Variants in MDGA2 observed in about 807,000 individuals in gnomAD.
The protein encoded by MDGA2 is MAM domain-containing glycosylphosphatidylinositol anchor protein 2.
MDGA2 carries 40 observed loss-of-function variants against 117.8 expected under a neutral mutation model. The ratio of observed to expected loss-of-function variants is 0.34; its 90% CI spans 0.26 to 0.44. The LOEUF is 0.44. Among genes scored for constraint, MDGA2 ranks in the 20% least tolerant of loss-of-function variants. MDGA2 has a pLI of 1.00. For synonymous variants in MDGA2, 452 were observed against 439.0 expected (o/e 1.03, Z -0.37); for missense variants, 1,123 against 1,250.6 (o/e 0.90, Z 1.54).
chr14:47,094,697 C>T (rs1442344438), intron 6 of MDGA2, among the ~76,000 whole-genome samples: 1 of 151,986 alleles, frequency 6.6e-6, no homozygotes, highest in Non-Finnish European at 1.5e-5. Context: ...TACTTCAATA[C>T]TTCAATGCTT....
At chr14:47,323,264 T>A (rs971037789) in intron 1 of MDGA2, among the ~76,000 whole-genome samples, 2 of 150,676 alleles carry the variant, frequency 1.3e-5, no homozygotes, top group African/African-American at 4.9e-5. Context: ...AGTACAGGTA[T>A]TTTTTAAATG....
intron 1 of MDGA2, among the ~76,000 whole-genome samples, chr14:47,395,343 G>A (rs927051859): frequency 6.6e-6 from 1 of 152,064 alleles, no homozygotes; most frequent in Non-Finnish European, 1.5e-5. Context: ...TCATATCCCA[G>A]AGTGTTGATG....
chr14:46,894,635 G>A (rs1297925385), intron 10 of MDGA2, among the ~76,000 whole-genome samples: 1 of 152,050 alleles, frequency 6.6e-6, no homozygotes, highest in African/African-American at 2.4e-5. Context: ...GTTGTGCTGA[G>A]TTTGTACTCA....
intron 1 of MDGA2, among the ~76,000 whole-genome samples, chr14:47,618,179 C>A (rs1256307928): frequency 6.6e-6 from 1 of 152,160 alleles, no homozygotes; most frequent in Non-Finnish European, 1.5e-5. Context: ...TGAGATGCTG[C>A]TTCTAATCAA....
chr14:47,162,134 G>T lies in MDGA2; in HGVS notation c.596-17860C>A, dbSNP rs1049351863. 8.6e-5 allele frequency among the ~76,000 whole-genome samples: 13 copies of T among 151,440 alleles called. No individual in the cohort carries two copies. In the East Asian group the frequency reaches 1.8e-3, roughly 21 times the overall value. On this transcript the variant is annotated intron_variant, in intron 3 of 16. Coordinates refer to ENST00000399232, the MANE Select transcript of MDGA2 (RefSeq NM_001113498.3). ...CTAGTTTTTTGTATTTTTAGTAGAA[G>T]CAGGATTTCACCGTGTTAGCCAGGC...
intron 1 of MDGA2, among the ~76,000 whole-genome samples, chr14:47,659,650 A>G (rs1254259085): frequency 6.6e-6 from 1 of 152,214 alleles, no homozygotes; most frequent in Non-Finnish European, 1.5e-5. Flanking sequence ...GTATACCTCA[A>G]TTATGAAGTC....
At chr14:47,621,231 C>T (rs1897044196) in intron 1 of MDGA2, among the ~76,000 whole-genome samples, 1 of 152,150 alleles carries the variant, frequency 6.6e-6, no homozygotes, top group Non-Finnish European at 1.5e-5. Flanking sequence ...ATATTAAATA[C>T]AGTTAAGGTC....
At chr14:47,168,717 C>T (rs922540369) in intron 3 of MDGA2, among the ~76,000 whole-genome samples, 16 of 151,988 alleles carry the variant, frequency 1.1e-4, no homozygotes, top group South Asian at 2.1e-4. Flanking sequence ...TAAGAAACTG[C>T]CTCAAAGTCA....
intron 1 of MDGA2, among the ~76,000 whole-genome samples, chr14:47,409,765 C>T (rs4900756): frequency 0.72 from 109,554 of 151,932 alleles, 39,983 homozygotes; most frequent in East Asian, 1. Context: ...CTCATGAATA[C>T]GGTATAATCA....
intron 1 of MDGA2, among the ~76,000 whole-genome samples, chr14:47,384,211 T>C (rs1175896743): frequency 6.6e-6 from 1 of 150,884 alleles, no homozygotes; most frequent in Non-Finnish European, 1.5e-5. Flanking sequence ...ATAAGGAAGG[T>C]AGAGAGTCAA....
intron 12 of MDGA2, among the ~76,000 whole-genome samples, chr14:46,874,838 T>G (rs570992393): frequency 4.6e-5 from 7 of 151,890 alleles, no homozygotes; most frequent in African/African-American, 1.7e-4. Context: ...CTCGGATGCC[T>G]AACGTATGTT....
At chr14:46,931,665 G>A (rs931593923) in intron 9 of MDGA2, among the ~76,000 whole-genome samples, 2 of 151,784 alleles carry the variant, frequency 1.3e-5, no homozygotes, top group Non-Finnish European at 2.9e-5. Flanking sequence ...GGGGACTAGA[G>A]GCATGAGCCA....
chr14:47,532,368 T>C (rs903598480), intron 1 of MDGA2, among the ~76,000 whole-genome samples: 1 of 152,186 alleles, frequency 6.6e-6, no homozygotes, highest in African/African-American at 2.4e-5. Flanking sequence ...TTCATTATCT[T>C]CTCACCCACC....
At chr14:47,576,744 A>G (rs1172521680) in intron 1 of MDGA2, among the ~76,000 whole-genome samples, 1 of 152,174 alleles carries the variant, frequency 6.6e-6, no homozygotes, top group Non-Finnish European at 1.5e-5. Context: ...TATATTTTCT[A>G]TCTCTAGTCT....
chr14:46,917,125 A>C (rs1884580026), intron 10 of MDGA2, among the ~76,000 whole-genome samples: 1 of 152,192 alleles, frequency 6.6e-6, no homozygotes, highest in African/African-American at 2.4e-5. Flanking sequence ...GAAAAATGTG[A>C]ATCAATAACA....
rs66690712 is a variant in MDGA2, at chr14:46,841,607, C to CTTTTTTTTT, written c.*315_*323dup. 6.8e-6 allele frequency: 1 copy of CTTTTTTTTT among 146,476 alleles called. No homozygotes were observed. Among genetic ancestry groups the CTTTTTTTTT allele is most frequent in the Non-Finnish European group, 1.4e-5 (1 of 69,408 alleles). The allele number at this position is 146,476 out of a possible 1,614,324, so 9.1% of individuals were successfully genotyped here. ...TGCTTTGACAAGGATTTCTATAGCT[C>CTTTTTTTTT]TTTTTTTTTTCTTTTTTTCATTTTT... On this transcript the variant is annotated 3_prime_UTR_variant, in exon 17 of 17. Transcript: ENST00000399232.
intron 1 of MDGA2, among the ~76,000 whole-genome samples, chr14:47,630,893 C>T (rs1301808181): frequency 6.6e-6 from 1 of 152,152 alleles, no homozygotes; most frequent in African/African-American, 2.4e-5. Flanking sequence ...ATGGTAGTTG[C>T]TTTACATCTC....
At chr14:47,281,026 A>G (rs1366187292) in intron 2 of MDGA2, among the ~76,000 whole-genome samples, 3 of 147,822 alleles carry the variant, frequency 2.0e-5, no homozygotes, top group African/African-American at 7.3e-5. Flanking sequence ...ATAATAAAAT[A>G]TATAATTAAT....
intron 2 of MDGA2, among the ~76,000 whole-genome samples, chr14:47,260,450 A>G (rs561679823): frequency 6.6e-6 from 1 of 152,186 alleles, no homozygotes; most frequent in East Asian, 1.9e-4. Flanking sequence ...GAAGTCACCT[A>G]AGATACAGAG....
Sources: gnomAD v4.1 joint callset for allele counts (sites outside exome capture counted in the v4.1 genomes callset) on GRCh38, gnomAD v4.1.1 for gene constraint, MANE v1.5 for transcripts, NCBI Gene and HGNC (gene_info 2026-07-23, HGNC 2026-07-21) for gene names.